XRCC4: variants seen among roughly 807,000 people sequenced by gnomAD.
The protein encoded by XRCC4 is DNA repair protein XRCC4.
A neutral mutation model predicts 39.1 loss-of-function variants in XRCC4; 28 were observed. The ratio of observed to expected loss-of-function variants is 0.72; its 90% CI spans 0.53 to 0.98. The LOEUF (loss-of-function observed/expected upper bound fraction) is 0.98. XRCC4 is among the 50% of genes least tolerant of loss of function. XRCC4 has a pLI of 0.00. For synonymous variants in XRCC4, 123 were observed against 126.4 expected, an observed-to-expected ratio of 0.97 and a Z score of 0.18; for missense variants, 350 against 376.4, an observed-to-expected ratio of 0.93 and a Z score of 0.58.
chr5:83,301,680 T>C (rs2112044712), intron 7 of XRCC4, among the ~76,000 whole-genome samples: 1 of 152,280 alleles, frequency 6.6e-6, no homozygotes, highest in South Asian at 2.1e-4. Context: ...ATTGCCTAGG[T>C]TTTCTTCTAG....
chr5:83,208,311 G>A (rs1021844705), intron 6 of XRCC4, among the ~76,000 whole-genome samples: 2 of 151,868 alleles, frequency 1.3e-5, no homozygotes, highest in African/African-American at 4.8e-5. Flanking sequence ...AGTTATGCTT[G>A]TTTTTACCTT....
intron 3 of XRCC4, among the ~76,000 whole-genome samples, chr5:83,128,171 T>A (rs1166655576): frequency 1.3e-5 from 2 of 152,134 alleles, no homozygotes; most frequent in Non-Finnish European, 2.9e-5. Flanking sequence ...CCCCATCCTC[T>A]GTCCAAGTGT....
intron 3 of XRCC4, among the ~76,000 whole-genome samples, chr5:83,187,729 A>G (rs952762324): frequency 6.6e-6 from 1 of 152,192 alleles, no homozygotes; most frequent in Non-Finnish European, 1.5e-5. Flanking sequence ...AAAGAATGAG[A>G]TGATAGATTC....
At chr5:83,352,957 G>T (rs962405783) in intron 7 of XRCC4, among the ~76,000 whole-genome samples, 174 bp from the exon 8 acceptor site, 4 of 152,114 alleles carry the variant, frequency 2.6e-5, no homozygotes, top group African/African-American at 9.7e-5. Context: ...AGCAGTTAGA[G>T]AAATTAGTCT....
intron 6 of XRCC4, among the ~76,000 whole-genome samples, chr5:83,250,678 T>C (rs1026063277): frequency 4.5e-4 from 7 of 15,566 alleles, no homozygotes; most frequent in African/African-American, 1.9e-3. Context: ...CCTGAAAACC[T>C]AATTTTAAAG....
rs546715736 is a variant in XRCC4 at position 83,321,628 on chromosome 5, G to A, written c.894-31503G>A. Reference sequence around the variant, plus strand: ...ATACTATGAAGAACATGAATGTACTGTACACACAAACAACTTGATGTCTCA... The same window carrying A: ...ATACTATGAAGAACATGAATGTACTATACACACAAACAACTTGATGTCTCA... On this transcript the variant is annotated intron_variant, in intron 7 of 7. Transcript: ENST00000396027. Among the ~76,000 whole-genome samples, 6 of 152,150 alleles carry A rather than the reference G, an allele frequency of 3.9e-5. No individual in the cohort carries two copies. In the East Asian group the frequency reaches 7.7e-4, roughly 20 times the overall value.
intron 7 of XRCC4, among the ~76,000 whole-genome samples, chr5:83,273,512 T>C (rs1047358713): frequency 6.6e-6 from 1 of 152,338 alleles, no homozygotes; most frequent in East Asian, 1.9e-4. Context: ...CTGAATGGTA[T>C]TGCCTAGGTT....
intron 6 of XRCC4, among the ~76,000 whole-genome samples, chr5:83,257,714 T>C (rs766823589): frequency 6.6e-6 from 1 of 152,120 alleles, no homozygotes; most frequent in African/African-American, 2.4e-5. Flanking sequence ...TCTAAATCAT[T>C]CTACTATAAA....
In XRCC4 at chr5:83,278,649, A is replaced by T. The variant is rs529406484; in HGVS notation, c.893+19972A>T. On this transcript the variant is annotated intron_variant, in intron 7 of 7. Transcript: ENST00000396027. ...CTGTACAAAAAATAAATAAGTTAAC[A>T]TTATTAAGTTACTACTTCAGTCCTT... Among the ~76,000 whole-genome samples, 11 of 152,234 alleles carry T rather than the reference A, an allele frequency of 7.2e-5. No individual in the cohort carries two copies. In the South Asian group the frequency reaches 1.9e-3, roughly 26 times the overall value.
intron 7 of XRCC4, among the ~76,000 whole-genome samples, chr5:83,302,127 G>T (rs1403322575): frequency 6.6e-6 from 1 of 152,110 alleles, no homozygotes; most frequent in Non-Finnish European, 1.5e-5. Context: ...CAAGCCAGTG[G>T]ATCCTAGCTT....
At chr5:83,233,616 G>A (rs1202583906) in intron 6 of XRCC4, among the ~76,000 whole-genome samples, 5 of 151,674 alleles carry the variant, frequency 3.3e-5, no homozygotes, top group African/African-American at 9.7e-5. Context: ...GGCCAGGCAC[G>A]GTGGCTCATG....
intron 7 of XRCC4, among the ~76,000 whole-genome samples, chr5:83,338,794 C>A (rs1200170480): frequency 6.6e-6 from 1 of 152,080 alleles, no homozygotes; most frequent in Non-Finnish European, 1.5e-5. Flanking sequence ...ATAGTGTGTT[C>A]AGTTAATATA....
At chr5:83,344,026 T>C (rs1756841340) in intron 7 of XRCC4, among the ~76,000 whole-genome samples, 1 of 152,020 alleles carries the variant, frequency 6.6e-6, no homozygotes, top group Non-Finnish European at 1.5e-5. Flanking sequence ...GAGAATATTG[T>C]CATGGAAGAG....
intron 3 of XRCC4, among the ~76,000 whole-genome samples, chr5:83,144,281 G>GTT (rs1472228125): frequency 6.7e-6 from 1 of 148,502 alleles, no homozygotes; most frequent in East Asian, 1.9e-4. Context: ...GTGTGTGTGT[G>GTT]TGTGTGTGTG....
rs745638772 is a variant in XRCC4, at chr5:83,195,793, A to G, written c.339A>G (p.Leu113=). 8.1e-6 allele frequency: 13 copies of G among 1,599,162 alleles called. No individual in the cohort carries two copies. In the South Asian group the frequency reaches 1.1e-4, roughly 14 times the overall value. ...DVSFRLGSFN[L]EKVENPAEVI... The stretch of plus-strand genomic sequence containing the variant: ...AGTTCAGACTTGGTTCCTTCAACCT[A>G]GAGAAAGTTGAAAACCCAGCTGAAG... The change falls in exon 4 of 8, where the codon CTA becomes CTG. Residue 113 remains leucine, a synonymous_variant. Transcript: ENST00000396027.
intron 3 of XRCC4, among the ~76,000 whole-genome samples, chr5:83,184,233 T>A (rs1409483259): frequency 1.3e-5 from 2 of 152,102 alleles, no homozygotes; most frequent in African/African-American, 4.8e-5. Context: ...AATACTTATT[T>A]TTATGATTTT....
At chr5:83,194,816 C>T (rs1403230241) in intron 3 of XRCC4, among the ~76,000 whole-genome samples, 3 of 152,130 alleles carry the variant, frequency 2.0e-5, no homozygotes, top group Non-Finnish European at 1.5e-5. Context: ...AACAGCATAG[C>T]ATAGCAGAAT....
intron 7 of XRCC4, among the ~76,000 whole-genome samples, chr5:83,309,203 C>T (rs1191067448): frequency 1.0e-4 from 14 of 133,670 alleles, no homozygotes; most frequent in African/African-American, 2.0e-4. Flanking sequence ...GGCATGAACC[C>T]GGGAGGCGAG....
intron 7 of XRCC4, among the ~76,000 whole-genome samples, chr5:83,311,814 C>G (rs1177828150): frequency 6.6e-6 from 1 of 151,836 alleles, no homozygotes. Flanking sequence ...GTTTCTGTAC[C>G]TATTTCTTCT....
Sources: allele counts gnomAD v4.1 joint callset (sites outside exome capture counted in the v4.1 genomes callset), GRCh38; gene constraint gnomAD v4.1.1; transcripts MANE v1.5; gene names NCBI Gene and HGNC (gene_info 2026-07-23, HGNC 2026-07-21).